The following PLXNA2 variants were observed in gnomAD, a reference collection of about 807,000 sequenced individuals.
PLXNA2 encodes the protein plexin-A2.
PLXNA2 carries 91 observed loss-of-function variants against 193.5 expected under a neutral mutation model. The ratio of observed to expected loss-of-function variants is 0.47; its 90% CI spans 0.40 to 0.56. The LOEUF (loss-of-function observed/expected upper bound fraction) is 0.56. Among genes scored for constraint, PLXNA2 ranks in the 20% least tolerant of loss-of-function variants. PLXNA2 has a pLI of 0.00. For synonymous variants in PLXNA2, 997 were observed against 1,027.3 expected (o/e 0.97, Z 0.56); for missense variants, 1,995 against 2,503.2 (o/e 0.80, Z 4.33).
At chr1:208,065,965 A>G (rs891725904) in intron 12 of PLXNA2, among the ~76,000 whole-genome samples, 2 of 152,142 alleles carry the variant, frequency 1.3e-5, no homozygotes, top group Non-Finnish European at 2.9e-5. Flanking sequence ...AACTCAATTA[A>G]TGCTTTCAGG....
Position 208,226,347 on chromosome 1 carries a change from G to GT in PLXNA2, c.-80-8346dup, listed in dbSNP as rs560570531. On this transcript the variant is annotated intron_variant, in intron 1 of 31. Coordinates refer to ENST00000367033, the MANE Select transcript of PLXNA2 (RefSeq NM_025179.4). ...TTAACGTCAGGGAGAGATTTCTGTT[G>GT]TTTTTTTTTTCCCAGGTCTCCCAGT... is the stretch of plus-strand genomic sequence containing the variant. Among the ~76,000 whole-genome samples the GT allele has an allele frequency of 1.4e-3, 212 of 149,108 alleles. 3 individuals carry two copies. In the South Asian group the frequency reaches 0.024, roughly 17 times the overall value.
intron 3 of PLXNA2, among the ~76,000 whole-genome samples, chr1:208,186,973 G>A (rs965803518): frequency 2.0e-5 from 3 of 151,228 alleles, no homozygotes; most frequent in Admixed American, 6.6e-5. Flanking sequence ...CACCCGCCTC[G>A]GCCTCCCAAA....
chr1:208,031,983 C>T (rs760431557), intron 28 of PLXNA2: 8 of 985,202 alleles, frequency 8.1e-6, no homozygotes, highest in Non-Finnish European at 8.4e-6. Context: ...CTCCAACCTG[C>T]AGCCACATTC....
intron 4 of PLXNA2, among the ~76,000 whole-genome samples, chr1:208,113,355 C>T (rs577674778): frequency 9.9e-5 from 15 of 152,242 alleles, no homozygotes; most frequent in Non-Finnish European, 2.1e-4. Flanking sequence ...TCCAGTGAGG[C>T]CCCAGGACAC....
intron 2 of PLXNA2, among the ~76,000 whole-genome samples, chr1:208,211,817 A>G (rs1670965160): frequency 6.6e-6 from 1 of 152,104 alleles, no homozygotes; most frequent in Admixed American, 6.5e-5. Flanking sequence ...TCTTAAAGGG[A>G]ATGTTAAATT....
intron 9 of PLXNA2, among the ~76,000 whole-genome samples, chr1:208,086,990 TGAGAGAGAGAGA>T (rs57506358): frequency 5.1e-5 from 7 of 138,508 alleles, no homozygotes; most frequent in African/African-American, 1.8e-4. Flanking sequence ...TGTGTGTGTG[TGAGAGAGAGAGA>T]GAGAGAGAGA....
At chr1:208,095,631 C>T (rs1558189107) in intron 8 of PLXNA2, among the ~76,000 whole-genome samples, 3 of 152,134 alleles carry the variant, frequency 2.0e-5, no homozygotes, top group East Asian at 1.9e-4. Flanking sequence ...GTCGCTATCT[C>T]GGAGTCCCTC....
At chr1:208,048,504 GC>G (rs771846661) in intron 17 of PLXNA2, among the ~76,000 whole-genome samples, 2 of 152,200 alleles carry the variant, frequency 1.3e-5, no homozygotes, top group African/African-American at 4.8e-5. Flanking sequence ...GAAACTGAGG[GC>G]CCCCAGCTCC....
At chr1:208,103,629 G>A (rs1262118229) in intron 4 of PLXNA2, among the ~76,000 whole-genome samples, 4 of 152,202 alleles carry the variant, frequency 2.6e-5, no homozygotes, top group Admixed American at 2.6e-4. Flanking sequence ...AGCTGGGCTT[G>A]GGCTGAGACA....
chr1:208,106,991 G>A (rs996255627), intron 4 of PLXNA2, among the ~76,000 whole-genome samples: 2 of 152,212 alleles, frequency 1.3e-5, no homozygotes, highest in African/African-American at 4.8e-5. Flanking sequence ...TGCAAGTCTG[G>A]ATATGTGAGT....
At position 208,044,821 on chromosome 1, in the gene PLXNA2, C is replaced by A. The variant is rs543176185; in HGVS notation, c.3640-79G>T. 2.5e-6 allele frequency: 3 copies of A among 1,187,962 alleles called. No homozygotes were observed. Among genetic ancestry groups the A allele is most frequent in the Non-Finnish European group, 3.7e-6 (3 of 819,754 alleles). 73.6% of individuals were successfully genotyped at this position (1,187,962 alleles called of 1,614,324 possible). ...GGCATGCCAGCAGATCCTTACAGTGCGAGGAAGGACATGACAGACCACAAC... is the reference window on the plus strand; with the variant it reads ...GGCATGCCAGCAGATCCTTACAGTGAGAGGAAGGACATGACAGACCACAAC... On this transcript the variant is annotated intron_variant, in intron 19 of 31. Transcript: ENST00000367033. The surrounding 1 kb of genome is among the most constrained non-coding windows in gnomAD (Gnocchi z 4.9).
rs1666900108 is a variant in PLXNA2 at position 208,096,612 on chromosome 1, G to A, written c.1885+118C>T. The stretch of plus-strand genomic sequence containing the variant: ...GTTTGCTTTCAAACGTAAACAAGTT[G>A]TCTAAGCCAATATTAGTATCTGGTA... On this transcript the variant is annotated intron_variant, in intron 7 of 31. Transcript: ENST00000367033. 4 of 1,221,470 alleles carry A rather than the reference G, an allele frequency of 3.3e-6. No individual in the cohort carries two copies. The East Asian group carries it at 9.5e-5, about 29-fold the overall frequency. The allele number at this position is 1,221,470 out of a possible 1,614,324, so 75.7% of individuals were successfully genotyped here.
chr1:208,049,163 G>T (rs564838876), intron 17 of PLXNA2, among the ~76,000 whole-genome samples: 1 of 152,252 alleles, frequency 6.6e-6, no homozygotes, highest in Admixed American at 6.5e-5. Context: ...ACCAACCCTG[G>T]TGCTTCCCCC....
intron 3 of PLXNA2, among the ~76,000 whole-genome samples, chr1:208,200,081 TC>T (rs1484096768): frequency 1.3e-5 from 2 of 152,262 alleles, no homozygotes; most frequent in African/African-American, 4.8e-5. Flanking sequence ...TGATGCCATT[TC>T]TCCTTCCAGA....
In PLXNA2 at chr1:208,045,120, C is replaced by T. The variant is rs1293472788; in HGVS notation, c.3586G>A (p.Glu1196Lys). 6.2e-7 allele frequency: 1 copy of T among 1,614,046 alleles called. No homozygotes were observed. The highest frequency in any genetic ancestry group is 1.3e-5 in the African/African-American group (1 of 74,904). Residue 1196 changes from glutamate to lysine, a missense_variant, in exon 19 of 32, where the codon GAG becomes AAG. Around this residue, in one of 3 missense-constraint regions of PLXNA2, gnomAD observed 1,291 missense variants for 1,673.6 expected, o/e 0.77. Transcript: ENST00000367033. ...GGAGGCTCGCAGAGAAGCTGGGTCT[C>T]AGATACGGTGACAGCACAAGGGGTC... Reference protein sequence around the residue: ...GETPCAVTVSETQLLCEPPNL... With the variant: ...GETPCAVTVSKTQLLCEPPNL...
At chr1:208,078,658 AG>A (rs1292738933) in intron 12 of PLXNA2, among the ~76,000 whole-genome samples, 1 of 152,190 alleles carries the variant, frequency 6.6e-6, no homozygotes, top group East Asian at 1.9e-4. Flanking sequence ...TTGAAACCCA[AG>A]CAATTGCATT....
At chr1:208,218,190 G>A (rs981387496) in intron 1 of PLXNA2, 188 bp from the exon 2 acceptor site, 1 of 585,310 alleles carries the variant, frequency 1.7e-6, no homozygotes, top group Admixed American at 3.1e-5. Context: ...ATCTATTTTG[G>A]TCTCTAGCCT....
Position 208,028,967 on chromosome 1 carries a change from C to T in PLXNA2, c.5301G>A (p.Thr1767=), listed in dbSNP as rs781351907. ...GGGCCACCACAGAGAGGCAGGCGTC[C>T]GTGATGCTGCCCTTGTGGATGTCAA... ...FVFDIHKGSI[T]DACLSVVAQT... is the part of the protein sequence containing the mutation. The change falls in exon 30 of 32, where the codon ACG becomes ACA. Residue 1767 remains threonine, a synonymous_variant. Transcript: ENST00000367033. This position sits in a 1 kb window ranked among gnomAD's most constrained non-coding sequence, Gnocchi z 4.2. 16 of 1,613,928 alleles carry T rather than the reference C, an allele frequency of 9.9e-6. No individual in the cohort carries two copies. The East Asian group carries it at 1.3e-4, about 13-fold the overall frequency.
At chr1:208,112,521 T>A (rs1441180340) in intron 4 of PLXNA2, among the ~76,000 whole-genome samples, 5 of 152,204 alleles carry the variant, frequency 3.3e-5, no homozygotes, top group African/African-American at 1.2e-4. Flanking sequence ...CAGCTGGTGC[T>A]CAATAGTGGT....
Sources: gnomAD v4.1 joint callset for allele counts (sites outside exome capture counted in the v4.1 genomes callset) on GRCh38, gnomAD v4.1.1 for gene constraint, gnomAD v4.1.1 regional missense constraint, Gnocchi (gnomAD v3.1) non-coding constraint, MANE v1.5 for transcripts, NCBI Gene and HGNC (gene_info 2026-07-23, HGNC 2026-07-21) for gene names.